Variants in LRMDA observed in about 807,000 individuals in gnomAD.
LRMDA encodes leucine rich melanocyte differentiation associated.
LRMDA carries 18 observed loss-of-function variants against 29.8 expected under a neutral mutation model. The observed-to-expected ratio is 0.60, with a 90% CI of 0.42 to 0.90. The LOEUF (loss-of-function observed/expected upper bound fraction) is 0.90. Among genes scored for constraint, LRMDA ranks in the 40% least tolerant of loss-of-function variants. LRMDA has a pLI of 0.00. For synonymous variants in LRMDA, 125 were observed against 109.4 expected (o/e 1.14, Z -0.89); for missense variants, 273 against 273.9 (o/e 1.00, Z 0.02).
intron 2 of LRMDA, among the ~76,000 whole-genome samples, chr10:75,962,961 G>A (rs1411233324): frequency 6.6e-6 from 1 of 152,168 alleles, no homozygotes. Flanking sequence ...ATACATGAAG[G>A]CCTAATGGAG....
intron 5 of LRMDA, among the ~76,000 whole-genome samples, chr10:76,290,094 C>T (rs1245915963): frequency 6.6e-6 from 1 of 152,156 alleles, no homozygotes; most frequent in East Asian, 1.9e-4. Context: ...CCTATCCCTG[C>T]CTACTTTGGC....
intron 2 of LRMDA, among the ~76,000 whole-genome samples, chr10:75,981,185 C>A (rs1030738983): frequency 2.6e-5 from 4 of 152,188 alleles, no homozygotes; most frequent in Non-Finnish European, 5.9e-5. Flanking sequence ...AAAATAGTTT[C>A]TTTGCTGGCT....
intron 4 of LRMDA, among the ~76,000 whole-genome samples, chr10:76,050,634 G>A (rs1265051296): frequency 6.6e-6 from 1 of 152,204 alleles, no homozygotes; most frequent in Non-Finnish European, 1.5e-5. Context: ...CAGCCTCCAG[G>A]ATTTGGGCAG....
At chr10:76,221,851 C>T (rs1851846203) in intron 5 of LRMDA, among the ~76,000 whole-genome samples, 1 of 152,068 alleles carries the variant, frequency 6.6e-6, no homozygotes, top group Non-Finnish European at 1.5e-5. Context: ...AGGCATCACA[C>T]TACCTGACTT....
In LRMDA at chr10:75,984,206, C is replaced by T. The variant is rs190942843; in HGVS notation, c.132-51802C>T. Among the ~76,000 whole-genome samples, 16 of 148,174 alleles carry T rather than the reference C, an allele frequency of 1.1e-4. No homozygotes were observed. In the East Asian group the frequency reaches 1.2e-3, roughly 11 times the overall value. Reference sequence around the variant, plus strand: ...CAGCAAGAGGACACTAAGTACTGGCCGTATGGCTGGAGAAAGCTGCCCTGG... The same window carrying T: ...CAGCAAGAGGACACTAAGTACTGGCTGTATGGCTGGAGAAAGCTGCCCTGG... On this transcript the variant is annotated intron_variant, in intron 2 of 6. Transcript: ENST00000611255.
At chr10:76,552,406 C>A (rs566430271) in intron 6 of LRMDA, among the ~76,000 whole-genome samples, 11 of 152,322 alleles carry the variant, frequency 7.2e-5, no homozygotes, top group Admixed American at 6.5e-5. Flanking sequence ...CCCCCAGAGG[C>A]CCCCTTCTAT....
chr10:75,751,091 A>G (rs956783572), intron 2 of LRMDA, among the ~76,000 whole-genome samples: 2 of 152,218 alleles, frequency 1.3e-5, no homozygotes, highest in African/African-American at 2.4e-5. Context: ...AGGCGGGCAG[A>G]TCACTCGCGG....
chr10:75,506,261 GGGC>G (rs1845167356), intron 2 of LRMDA, among the ~76,000 whole-genome samples: 1 of 152,124 alleles, frequency 6.6e-6, no homozygotes, highest in African/African-American at 2.4e-5. Flanking sequence ...GGGAATAGGA[GGGC>G]ATTCTGAGAG....
At chr10:75,689,914 G>A (rs1035456972) in intron 2 of LRMDA, among the ~76,000 whole-genome samples, 11 of 152,032 alleles carry the variant, frequency 7.2e-5, no homozygotes, top group Non-Finnish European at 1.3e-4. Context: ...TAGAGCCACA[G>A]AATCTTCACA....
intron 5 of LRMDA, among the ~76,000 whole-genome samples, chr10:76,263,632 C>T (rs1271964713): frequency 6.6e-6 from 1 of 152,126 alleles, no homozygotes; most frequent in Non-Finnish European, 1.5e-5. Flanking sequence ...TTCTTGGATC[C>T]CTACCGTCTT....
chr10:76,200,183 T>G (rs1851401406), intron 5 of LRMDA, among the ~76,000 whole-genome samples: 1 of 152,122 alleles, frequency 6.6e-6, no homozygotes, highest in Non-Finnish European at 1.5e-5. Context: ...AGGCTGGTCT[T>G]GAACTCCTGA....
In LRMDA at chr10:75,558,380, CAT is replaced by C. The variant is rs537380605; in HGVS notation, c.131+119888_131+119889del. 3.7e-3 allele frequency among the ~76,000 whole-genome samples: 558 copies of C among 152,158 alleles called. 6 individuals carry two copies. Among genetic ancestry groups the C allele is most frequent in the African/African-American group, 0.013 (536 of 41,536 alleles). On this transcript the variant is annotated intron_variant, in intron 2 of 6. Coordinates refer to ENST00000611255, the MANE Select transcript of LRMDA (RefSeq NM_001305581.2). Reference sequence around the variant, plus strand: ...TTCAATAAAAATTTGCACTGGATAACATAAAATTATTCTTCAGTGTTTACTTG... The same window carrying C: ...TTCAATAAAAATTTGCACTGGATAACAAAATTATTCTTCAGTGTTTACTTG...
chr10:75,487,380 C>G (rs901205666), intron 2 of LRMDA, among the ~76,000 whole-genome samples: 3 of 152,156 alleles, frequency 2.0e-5, no homozygotes, highest in Non-Finnish European at 4.4e-5. Flanking sequence ...ATGGATGGGT[C>G]TGGAGCCAGG....
rs529605479 is a variant in LRMDA, at chr10:76,047,308, G to C, written c.398+5G>C. 2 of 1,601,628 alleles carry C rather than the reference G, an allele frequency of 1.2e-6. No homozygotes were observed. Among genetic ancestry groups the C allele is most frequent in the Admixed American group, 3.5e-5 (2 of 57,002 alleles). ...GGAAGACTACAAGAGATACAGGTGA[G>C]TGTCCAGGGGTTGGACCATGGTGGG... is the stretch of plus-strand genomic sequence containing the variant. On this transcript the variant is annotated splice_donor_5th_base_variant and intron_variant, in intron 4 of 6. Coordinates refer to ENST00000611255, the MANE Select transcript of LRMDA (RefSeq NM_001305581.2).
At chr10:76,121,359 G>C (rs1849785118) in intron 5 of LRMDA, among the ~76,000 whole-genome samples, 1 of 152,184 alleles carries the variant, frequency 6.6e-6, no homozygotes, top group African/African-American at 2.4e-5. Context: ...GCCCATTTCT[G>C]TGGGCTTGAG....
In LRMDA at chr10:75,543,157, A is replaced by G. The variant is rs539715109; in HGVS notation, c.131+104663A>G. Among the ~76,000 whole-genome samples, 11 of 152,346 alleles carry G rather than the reference A, an allele frequency of 7.2e-5. No homozygotes were observed. In the East Asian group the frequency reaches 2.1e-3, roughly 29 times the overall value. On this transcript the variant is annotated intron_variant, in intron 2 of 6. Transcript: ENST00000611255. ...TCTGATCTCACCAGTGGTGCTGGCC[A>G]TGCCAGAGCAACCCAGCTTTGACGG...
At chr10:76,545,728 C>T (rs1488975788) in intron 6 of LRMDA, among the ~76,000 whole-genome samples, 1 of 150,902 alleles carries the variant, frequency 6.6e-6, no homozygotes, top group African/African-American at 2.4e-5. Flanking sequence ...AAAATAAAAC[C>T]TCCATTTACC....
intron 5 of LRMDA, among the ~76,000 whole-genome samples, chr10:76,096,387 C>T (rs1849311945): frequency 6.6e-6 from 1 of 151,908 alleles, no homozygotes; most frequent in Non-Finnish European, 1.5e-5. Context: ...GCCTGCCTTT[C>T]TCCTGCTTGC....
At chr10:75,903,022 C>T (rs1170154016) in intron 2 of LRMDA, among the ~76,000 whole-genome samples, 2 of 152,208 alleles carry the variant, frequency 1.3e-5, no homozygotes, top group East Asian at 1.9e-4. Flanking sequence ...TGAAAACGCC[C>T]AGTCTAGGAG....
Sources: gnomAD v4.1 joint callset for allele counts (sites outside exome capture counted in the v4.1 genomes callset) on GRCh38, gnomAD v4.1.1 for gene constraint, MANE v1.5 for transcripts, NCBI Gene and HGNC (gene_info 2026-07-23, HGNC 2026-07-21) for gene names.